RABGEF1: variants seen among roughly 807,000 people sequenced by gnomAD.
RABGEF1 encodes the protein RAB guanine nucleotide exchange factor 1.
Under a neutral mutation model 57.3 loss-of-function variants are expected in RABGEF1, and 26 were observed. That is an observed-to-expected ratio of 0.45 (90% CI 0.33 to 0.63). RABGEF1 has a LOEUF of 0.63. Ranked by LOEUF, RABGEF1 falls within the 20% of genes least tolerant of loss-of-function variation. The pLI is 0.02. For missense variants in RABGEF1, 464 were observed against 607.6 expected (o/e 0.76, Z 2.48); for synonymous variants, 185 against 210.7 (o/e 0.88, Z 1.06).
At chr7:66,679,254 A>G (rs1789521854), upstream of RABGEF1, among the ~76,000 whole-genome samples, 1 of 152,152 alleles carries the variant, frequency 6.6e-6, no homozygotes, top group Non-Finnish European at 1.5e-5. Context: ...TCTTTTATTC[A>G]GGTCACCTCA....
In RABGEF1 at chr7:66,718,140, C is replaced by T. The variant is rs150769094; in HGVS notation, c.-815+5916C>T. Among the ~76,000 whole-genome samples the T allele has an allele frequency of 1.6e-3, 246 of 152,152 alleles. 1 individual carries two copies. The highest frequency in any genetic ancestry group is 6.8e-3 in the Middle Eastern group (2 of 294). On this transcript the variant is annotated intron_variant and NMD_transcript_variant, in intron 2 of 9. Transcript: ENST00000607882. ...GGCAGATCACCTGAGGCCAGGAGTT[C>T]GAGACCAGCCTGGCCAACATGGTGA...
chr7:66,809,165 G>C lies in RABGEF1; in HGVS notation c.1357G>C (p.Val453Leu). The C allele has an allele frequency of 6.2e-7, 1 of 1,614,192 alleles. No homozygotes were observed. The highest frequency in any genetic ancestry group is 8.5e-7 in the Non-Finnish European group (1 of 1,180,030). ...DGIAREVQDI[V>L]EKYPLEIKPP... ...AATTGCAAGAGAAGTTCAAGACATC[G>C]TTGAGAAATACCCACTGGAAATTAA... The change falls in exon 9 of 9, where the codon GTT becomes CTT. Residue 453 changes from valine to leucine, a missense_variant. Transcript: ENST00000284957.
At chr7:66,802,444 G>A (rs1285519283) in intron 7 of RABGEF1, among the ~76,000 whole-genome samples, 2 of 152,336 alleles carry the variant, frequency 1.3e-5, no homozygotes, top group Non-Finnish European at 1.5e-5. Flanking sequence ...ACTTAGCTCT[G>A]TGTTTCCTAT....
chr7:66,714,163 G>A (rs1795092105), intron 2 of RABGEF1, among the ~76,000 whole-genome samples: 1 of 152,126 alleles, frequency 6.6e-6, no homozygotes, highest in South Asian at 2.1e-4. Flanking sequence ...TAAATCTTTG[G>A]TAAGAATTAT....
the RABGEF1 span, among the ~76,000 whole-genome samples, chr7:66,672,999 T>G: frequency 6.7e-6 from 1 of 148,952 alleles, no homozygotes; most frequent in Non-Finnish European, 1.5e-5. Flanking sequence ...CCCCAGGGTT[T>G]TGTTTTTCAG....
chr7:66,733,465 G>A (rs1797572636), intron 2 of RABGEF1, among the ~76,000 whole-genome samples: 1 of 152,176 alleles, frequency 6.6e-6, no homozygotes, highest in South Asian at 2.1e-4. Flanking sequence ...TTGAGAGGCT[G>A]AAGTGGGCAG....
chr7:66,697,778 C>A (rs1469316755), intron 1 of RABGEF1, among the ~76,000 whole-genome samples: 1 of 152,180 alleles, frequency 6.6e-6, no homozygotes, highest in East Asian at 1.9e-4. Context: ...GAACATCACC[C>A]CATAAACTGA....
At chr7:66,697,145 A>G (rs1044492341) in intron 1 of RABGEF1, among the ~76,000 whole-genome samples, 4 of 151,880 alleles carry the variant, frequency 2.6e-5, no homozygotes, top group Non-Finnish European at 5.9e-5. Context: ...CAGGAGTGAG[A>G]GGGGCTGGGA....
At chr7:66,695,830 G>A (rs977026682) in intron 1 of RABGEF1, among the ~76,000 whole-genome samples, 27 of 152,140 alleles carry the variant, frequency 1.8e-4, no homozygotes, top group South Asian at 1.2e-3. Flanking sequence ...CAGGGGTGTG[G>A]TAGCGAACGC....
At chr7:66,768,147 A>G (rs1016556576) in intron 1 of RABGEF1, among the ~76,000 whole-genome samples, 5 of 152,216 alleles carry the variant, frequency 3.3e-5, no homozygotes, top group African/African-American at 4.8e-5. Context: ...ATTGCAAGCA[A>G]ACGTTTCAAA....
At chr7:66,698,230 A>T (rs1291878208) in intron 1 of RABGEF1, among the ~76,000 whole-genome samples, 1 of 152,152 alleles carries the variant, frequency 6.6e-6, no homozygotes, top group Non-Finnish European at 1.5e-5. Context: ...CCTGAGCCTC[A>T]CCAGTGCATG....
chr7:66,763,253 A>G (rs186106386), intron 1 of RABGEF1, among the ~76,000 whole-genome samples: 2 of 152,244 alleles, frequency 1.3e-5, no homozygotes, highest in East Asian at 3.8e-4. Context: ...AGGAGGTCAG[A>G]ATTAAGCATC....
the RABGEF1 span, among the ~76,000 whole-genome samples, chr7:66,662,748 C>T: frequency 5.3e-5 from 8 of 150,662 alleles, no homozygotes; most frequent in East Asian, 5.9e-4. Flanking sequence ...TGTGCAGGCA[C>T]GTGTGTGCAG....
chr7:66,701,425 G>C (rs1793242477), intron 1 of RABGEF1, among the ~76,000 whole-genome samples: 1 of 152,058 alleles, frequency 6.6e-6, no homozygotes, highest in Admixed American at 6.6e-5. Flanking sequence ...TCTGAGCCCA[G>C]GAGGTTGAGG....
chr7:66,690,355 T>A (rs1791340509), intron 1 of RABGEF1, among the ~76,000 whole-genome samples: 1 of 149,292 alleles, frequency 6.7e-6, no homozygotes, highest in South Asian at 2.2e-4. Context: ...TGCCTTGGCC[T>A]CCCAAAGTGC....
upstream of RABGEF1, among the ~76,000 whole-genome samples, chr7:66,680,041 A>G (rs965550273): frequency 1.3e-5 from 2 of 152,156 alleles, no homozygotes; most frequent in Non-Finnish European, 2.9e-5. Context: ...CCATATCTCA[A>G]AAAAAGAGGA....
At chr7:66,799,007 C>T (rs10479729) in intron 6 of RABGEF1, among the ~76,000 whole-genome samples, 24,002 of 152,074 alleles carry the variant, frequency 0.16, 2,234 homozygotes, top group East Asian at 0.29. Context: ...CAGTAGGCAG[C>T]GAGGACAGGC....
the RABGEF1 span, among the ~76,000 whole-genome samples, chr7:66,664,963 G>T: frequency 6.6e-6 from 1 of 152,238 alleles, no homozygotes; most frequent in Non-Finnish European, 1.5e-5. Context: ...CACGGCAGGT[G>T]GCTTCTAGGC....
chr7:66,795,349 T>A (rs1322035333), intron 4 of RABGEF1, among the ~76,000 whole-genome samples, 162 bp from the exon 5 acceptor site: 1 of 152,170 alleles, frequency 6.6e-6, no homozygotes, highest in Non-Finnish European at 1.5e-5. Context: ...GGAAATAATA[T>A]TAATGGATAG....
Sources: gnomAD v4.1 joint callset for allele counts (sites outside exome capture counted in the v4.1 genomes callset) on GRCh38, gnomAD v4.1.1 for gene constraint, MANE v1.5 for transcripts, NCBI Gene and HGNC (gene_info 2026-07-23, HGNC 2026-07-21) for gene names.